The following RFX6 variants were observed in gnomAD, a reference collection of about 807,000 sequenced individuals.
RFX6 encodes the protein regulatory factor X6.
Under a neutral mutation model 110.8 loss-of-function variants are expected in RFX6, and 50 were observed. The observed-to-expected ratio is 0.45, with a 90% CI of 0.36 to 0.57. The LOEUF (loss-of-function observed/expected upper bound fraction) is 0.57. RFX6 is among the 20% of genes least tolerant of loss of function. The pLI is 0.00. For missense variants in RFX6, 990 were observed against 1,127.0 expected, an observed-to-expected ratio of 0.88 and a Z score of 1.74; for synonymous variants, 383 against 411.2, an observed-to-expected ratio of 0.93 and a Z score of 0.83.
In RFX6 at chr6:116,877,245, G is replaced by C; in HGVS notation, c.-31G>C. The C allele has an allele frequency of 6.5e-7, 1 of 1,546,492 alleles. No homozygotes were observed. Among genetic ancestry groups the C allele is most frequent in the Non-Finnish European group, 8.8e-7 (1 of 1,136,406 alleles). The stretch of plus-strand genomic sequence containing the variant: ...GCTCCGCTGGGGAACCGGCCGAGCG[G>C]CGCGCGCGGAGGTGTCCGGCGGCCA... On this transcript the variant is annotated 5_prime_UTR_variant, in exon 1 of 19. Coordinates refer to ENST00000332958, the MANE Select transcript of RFX6 (RefSeq NM_173560.4).
intron 17 of RFX6, 33 bp downstream of exon 17, chr6:116,927,572 T>G: frequency 1.4e-5 from 22 of 1,587,404 alleles, no homozygotes; most frequent in Non-Finnish European, 1.8e-5. Flanking sequence ...TTCTTGGTTT[T>G]TGAGATGGCA....
chr6:116,913,213 C>T (rs576913303), intron 7 of RFX6, among the ~76,000 whole-genome samples: 12 of 152,156 alleles, frequency 7.9e-5, no homozygotes, highest in Admixed American at 4.6e-4. Context: ...AAGTGCCTGC[C>T]GACATGCCTG....
intron 11 of RFX6, 87 bp downstream of exon 11, chr6:116,919,383 A>C: frequency 1.6e-6 from 2 of 1,225,750 alleles, no homozygotes; most frequent in South Asian, 2.4e-5. Context: ...ACTTTCATAG[A>C]TTGAAGGGAG....
chr6:116,878,624 G>A (rs1027851996), intron 2 of RFX6, among the ~76,000 whole-genome samples: 2 of 151,798 alleles, frequency 1.3e-5, no homozygotes, highest in Non-Finnish European at 1.5e-5. Flanking sequence ...AAGAAAGACG[G>A]CTCTAAAGTA....
chr6:116,880,398 A>G (rs912667510), intron 2 of RFX6, 146 bp from the exon 3 acceptor site: 1 of 719,592 alleles, frequency 1.4e-6, no homozygotes, highest in Non-Finnish European at 2.3e-6. Flanking sequence ...TGATTTTTAA[A>G]AAATATCCAG....
At position 116,909,735 on chromosome 6, in the gene RFX6, C is replaced by CTTTTTTTTTTT. The variant is rs59264999; in HGVS notation, c.673-1181_673-1171dup. On this transcript the variant is annotated intron_variant, in intron 6 of 18. Coordinates refer to ENST00000332958, the MANE Select transcript of RFX6 (RefSeq NM_173560.4). ...TTTTAAATATAAAGCTCATTTAAAT[C>CTTTTTTTTTTT]TTTTTTTTTTTTTTTTTTTTTTTTT... is the stretch of plus-strand genomic sequence containing the variant. Among the ~76,000 whole-genome samples the CTTTTTTTTTTT allele has an allele frequency of 1.5e-4, 10 of 67,378 alleles. 1 individual carries two copies. The highest frequency in any genetic ancestry group is 4.8e-4 in the African/African-American group (8 of 16,512). The allele number at this position is 67,378 out of a possible 152,430, so 44.2% of individuals were successfully genotyped here.
intron 2 of RFX6, among the ~76,000 whole-genome samples, chr6:116,879,449 T>C (rs1404808080): frequency 2.6e-5 from 4 of 151,988 alleles, no homozygotes; most frequent in Non-Finnish European, 2.9e-5. Context: ...GTACATATAT[T>C]GATTTCATAT....
In RFX6 at chr6:116,922,034, C is replaced by A; in HGVS notation, c.1328-8C>A. On this transcript the variant is annotated splice_region_variant and splice_polypyrimidine_tract_variant and intron_variant, in intron 12 of 18. Coordinates refer to ENST00000332958, the MANE Select transcript of RFX6 (RefSeq NM_173560.4). ...CTTTTCTTTCTTTTTTTTTTTTTTC[C>A]TGGGTAGATGACTCTATCACTGTGT... The A allele has an allele frequency of 8.8e-7, 1 of 1,136,988 alleles. No individual in the cohort carries two copies. The highest frequency in any genetic ancestry group is 1.3e-6 in the Non-Finnish European group (1 of 772,774). The allele number at this position is 1,136,988 out of a possible 1,614,324, so 70.4% of individuals were successfully genotyped here. A position where few individuals can be genotyped will look rare whatever the true frequency, so the allele number is the denominator to read the frequency against.
chr6:116,901,432 A>G (rs1329880604), intron 6 of RFX6, among the ~76,000 whole-genome samples: 1 of 152,216 alleles, frequency 6.6e-6, no homozygotes, highest in Non-Finnish European at 1.5e-5. Context: ...GAACATTTCC[A>G]TAATAACAGA....
chr6:116,897,260 T>C (rs1774967916), intron 6 of RFX6, among the ~76,000 whole-genome samples: 1 of 152,168 alleles, frequency 6.6e-6, no homozygotes, highest in Admixed American at 6.6e-5. Context: ...GTGGTTCAGA[T>C]AATAATGTTT....
intron 6 of RFX6, among the ~76,000 whole-genome samples, chr6:116,898,638 T>G (rs1232629193): frequency 6.6e-6 from 1 of 152,110 alleles, no homozygotes; most frequent in Admixed American, 6.5e-5. Flanking sequence ...TGTAGAGGAA[T>G]TGGCCCTAGA....
chr6:116,891,288 CTTGTGATTT>C (rs1449923681), intron 4 of RFX6, among the ~76,000 whole-genome samples: 5 of 152,150 alleles, frequency 3.3e-5, no homozygotes, highest in African/African-American at 1.2e-4. Flanking sequence ...TTTGACTTGT[CTTGTGATTT>C]TTGTGTACCA....
chr6:116,927,522 C>T lies in RFX6; in HGVS notation c.2381C>T (p.Pro794Leu). Residue 794 changes from proline (P) to leucine (L), a missense_variant, in exon 17 of 19, where the codon CCT (proline) becomes CTT (leucine). By Grantham distance (98) the Pro-to-Leu change is moderately conservative. Coordinates refer to ENST00000332958, the MANE Select transcript of RFX6 (RefSeq NM_173560.4). Reference protein sequence around the residue: ...GAASCQGATLPPNSPNGYYGS... With the variant: ...GAASCQGATLLPNSPNGYYGS... Reference sequence around the variant, plus strand: ...GCCAGCTGCCAAGGAGCAACACTGCCTCCTAATTCACCAAATGGTATTGAT... The same window carrying T: ...GCCAGCTGCCAAGGAGCAACACTGCTTCCTAATTCACCAAATGGTATTGAT... 1 of 1,613,602 alleles carries T rather than the reference C, an allele frequency of 6.2e-7. No homozygotes were observed. The highest frequency in any genetic ancestry group is 8.5e-7 in the Non-Finnish European group (1 of 1,179,978).
At position 116,919,237 on chromosome 6, in the gene RFX6, A is replaced by G. The variant is rs764500834; in HGVS notation, c.1123A>G (p.Ile375Val). ...PEALTDKKIP[I>V]VRRFVSSLKR... ...AGCTCTAACTGACAAGAAAATACCT[A>G]TTGTGCGAAGATTTGTATCTTCTCT... Residue 375 changes from isoleucine to valine, a missense_variant, in exon 11 of 19, where the codon ATT (isoleucine) becomes GTT (valine). Transcript: ENST00000332958. 1.9e-6 allele frequency: 3 copies of G among 1,613,394 alleles called. No homozygotes were observed. The Admixed American group carries it at 5.0e-5, about 27-fold the overall frequency.
chr6:116,923,017 G>GGATA (rs1423221477), intron 13 of RFX6, 90 bp from the exon 14 acceptor site: 3 of 779,048 alleles, frequency 3.9e-6, no homozygotes, highest in African/African-American at 1.7e-5. Flanking sequence ...CCATTTGTTA[G>GGATA]ACAGTCTATT....
intron 6 of RFX6, among the ~76,000 whole-genome samples, chr6:116,907,783 A>T (rs1310707809): frequency 6.6e-6 from 1 of 152,074 alleles, no homozygotes; most frequent in East Asian, 1.9e-4. Flanking sequence ...CTCTTACTTA[A>T]CTTCTGTCTG....
intron 4 of RFX6, among the ~76,000 whole-genome samples, chr6:116,890,356 T>G (rs1233212422): frequency 6.6e-6 from 1 of 152,166 alleles, no homozygotes; most frequent in Non-Finnish European, 1.5e-5. Context: ...ATTTCTATCA[T>G]GACTCACTAT....
intron 10 of RFX6, among the ~76,000 whole-genome samples, chr6:116,918,800 C>G (rs1319754048): frequency 6.6e-6 from 1 of 151,948 alleles, no homozygotes; most frequent in Non-Finnish European, 1.5e-5. Context: ...TTGGTATTAG[C>G]CTGATCAATA....
chr6:116,907,043 T>C (rs1287599295), intron 6 of RFX6, among the ~76,000 whole-genome samples: 1 of 152,058 alleles, frequency 6.6e-6, no homozygotes, highest in African/African-American at 2.4e-5. Context: ...GTGGTTTTCC[T>C]ATATGGCTGG....
Sources: allele counts gnomAD v4.1 joint callset (sites outside exome capture counted in the v4.1 genomes callset), GRCh38; gene constraint gnomAD v4.1.1; transcripts MANE v1.5; gene names NCBI Gene and HGNC (gene_info 2026-07-23, HGNC 2026-07-21).